Variants in NAV2 observed in about 807,000 individuals in gnomAD.
NAV2 encodes the protein neuron navigator 2.
In NAV2, 54 loss-of-function variants were observed where a neutral mutation model predicts 223.2. That is an observed-to-expected ratio of 0.24 (90% CI 0.19 to 0.30). The LOEUF (loss-of-function observed/expected upper bound fraction) is 0.30, where lower values mean the gene tolerates loss of function less well. Among genes scored for constraint, NAV2 ranks in the 10% least tolerant of loss-of-function variants. The pLI is 1.00. For synonymous variants in NAV2, 1,279 were observed against 1,239.3 expected (o/e 1.03, Z -0.67); for missense variants, 2,806 against 3,147.5 (o/e 0.89, Z 2.60).
chr11:19,376,291 A>G (rs1444014306), intron 1 of NAV2, among the ~76,000 whole-genome samples: 1 of 152,250 alleles, frequency 6.6e-6, no homozygotes, highest in Non-Finnish European at 1.5e-5. Flanking sequence ...AAACAAAAAA[A>G]CAATTGCTGG....
At chr11:20,078,842 A>G (rs549206595) in intron 24 of NAV2, among the ~76,000 whole-genome samples, 10 of 152,214 alleles carry the variant, frequency 6.6e-5, no homozygotes, top group Non-Finnish European at 1.3e-4. Context: ...TCTTATAACA[A>G]TAATATTAAC....
At chr11:19,982,486 A>G (rs983506091) in intron 10 of NAV2, among the ~76,000 whole-genome samples, 2 of 152,302 alleles carry the variant, frequency 1.3e-5, no homozygotes, top group East Asian at 1.9e-4. Context: ...ATGTATTCAC[A>G]GAGTGGTTTT....
chr11:20,039,421 A>C (rs972493349), intron 12 of NAV2, among the ~76,000 whole-genome samples: 1 of 151,322 alleles, frequency 6.6e-6, no homozygotes, highest in African/African-American at 2.4e-5. Flanking sequence ...CATTTCTCTT[A>C]TCTCTCCCTC....
At chr11:19,383,327 C>A (rs1046452136) in intron 1 of NAV2, among the ~76,000 whole-genome samples, 1 of 152,202 alleles carries the variant, frequency 6.6e-6, no homozygotes, top group African/African-American at 2.4e-5. Context: ...TAAAGGAGAG[C>A]CATAAGGTGG....
At position 20,002,653 on chromosome 11, in the gene NAV2, G is replaced by T. The variant is rs766829715; in HGVS notation, c.2768+18406G>T. 7.2e-5 allele frequency among the ~76,000 whole-genome samples: 11 copies of T among 152,144 alleles called. 1 individual carries two copies. The highest frequency in any genetic ancestry group is 7.2e-4 in the Admixed American group (11 of 15,268). On this transcript the variant is annotated intron_variant, in intron 11 of 37. Transcript: ENST00000349880. ...AAAGAGACTGAGCCTGGGGAGTTTT[G>T]TTCTCTGGGAAATCCTATCGTTGAA...
chr11:19,592,451 C>A (rs922525583), intron 1 of NAV2, among the ~76,000 whole-genome samples: 2 of 152,050 alleles, frequency 1.3e-5, no homozygotes, highest in African/African-American at 2.4e-5. Context: ...TCCCATAGAT[C>A]AGTATGTGAC....
chr11:19,890,792 G>A (rs755312320), intron 5 of NAV2, among the ~76,000 whole-genome samples: 8 of 152,184 alleles, frequency 5.3e-5, no homozygotes, highest in Non-Finnish European at 8.8e-5. Flanking sequence ...TTGGCCAGAT[G>A]TGCTAGCCAC....
intron 6 of NAV2, among the ~76,000 whole-genome samples, chr11:19,917,002 G>A (rs2043858428): frequency 2.0e-5 from 3 of 152,234 alleles, no homozygotes; most frequent in Admixed American, 2.0e-4. Context: ...AGAAGTAAAG[G>A]AGAACAACTA....
chr11:19,562,958 G>C (rs1360113642), intron 1 of NAV2, among the ~76,000 whole-genome samples: 1 of 152,110 alleles, frequency 6.6e-6, no homozygotes, highest in African/African-American at 2.4e-5. Context: ...TCAAAACATG[G>C]AGTAGGCCCT....
chr11:19,719,048 T>C (rs1423402026), intron 1 of NAV2, among the ~76,000 whole-genome samples: 16 of 152,184 alleles, frequency 1.1e-4, no homozygotes. Context: ...GGTCCCATAT[T>C]ATTTACTTAT....
intron 22 of NAV2, among the ~76,000 whole-genome samples, chr11:20,074,776 T>G (rs1412501579): frequency 6.3e-5 from 8 of 127,820 alleles, no homozygotes; most frequent in Non-Finnish European, 1.3e-4. Context: ...TTTTTTTTTT[T>G]GCTTTCCATT....
intron 1 of NAV2, among the ~76,000 whole-genome samples, chr11:19,377,706 C>T (rs970290973): frequency 2.6e-5 from 4 of 151,906 alleles, no homozygotes; most frequent in South Asian, 2.1e-4. Flanking sequence ...TACGTTCATG[C>T]CCATTTTACA....
intron 1 of NAV2, among the ~76,000 whole-genome samples, chr11:19,468,701 T>C (rs1165771412): frequency 6.6e-6 from 1 of 152,216 alleles, no homozygotes; most frequent in Non-Finnish European, 1.5e-5. Flanking sequence ...ACAGGAGGAT[T>C]AAATTGAAAT....
chr11:19,942,964 C>A (rs1160985696), intron 8 of NAV2, among the ~76,000 whole-genome samples: 1 of 152,162 alleles, frequency 6.6e-6, no homozygotes, highest in African/African-American at 2.4e-5. Flanking sequence ...GCCTGAGCAA[C>A]AGAGCAAGAC....
At chr11:19,832,717 T>G (rs1008974349) in intron 2 of NAV2, 116 bp downstream of exon 2, 6 of 791,394 alleles carry the variant, frequency 7.6e-6, no homozygotes, top group Admixed American at 6.2e-5. Flanking sequence ...GTCTCATGTC[T>G]TGACAATTTA....
At chr11:19,627,669 G>T (rs1248967124) in intron 1 of NAV2, among the ~76,000 whole-genome samples, 1 of 152,102 alleles carries the variant, frequency 6.6e-6, no homozygotes, top group African/African-American at 2.4e-5. Flanking sequence ...CCCAGCTCCA[G>T]GGCTTCTTAG....
intron 1 of NAV2, among the ~76,000 whole-genome samples, chr11:19,777,038 G>A (rs1228962944): frequency 6.6e-6 from 1 of 151,684 alleles, no homozygotes; most frequent in African/African-American, 2.4e-5. Context: ...AGCGCCGGGT[G>A]CCACGCGGGG....
At chr11:19,661,102 G>A (rs1483375420) in intron 1 of NAV2, among the ~76,000 whole-genome samples, 1 of 152,026 alleles carries the variant, frequency 6.6e-6, no homozygotes, top group Admixed American at 6.6e-5. Flanking sequence ...CATCTACCCT[G>A]TCGCCCCAGC....
intron 1 of NAV2, among the ~76,000 whole-genome samples, chr11:19,658,676 C>G (rs1202744353): frequency 6.6e-6 from 1 of 152,170 alleles, no homozygotes; most frequent in Non-Finnish European, 1.5e-5. Flanking sequence ...CAGGCTCTGA[C>G]TGGCTCATGA....
Sources: allele counts gnomAD v4.1 joint callset (sites outside exome capture counted in the v4.1 genomes callset), GRCh38; gene constraint gnomAD v4.1.1; transcripts MANE v1.5; gene names NCBI Gene and HGNC (gene_info 2026-07-23, HGNC 2026-07-21).